Variants in TYW1 observed in about 807,000 individuals in gnomAD.
The protein encoded by TYW1 is S-adenosyl-L-methionine-dependent tRNA 4-demethylwyosine synthase TYW1.
In TYW1, 46 loss-of-function variants were observed where a neutral mutation model predicts 96.2. The ratio of observed to expected loss-of-function variants is 0.48; its 90% CI spans 0.38 to 0.61. The LOEUF (loss-of-function observed/expected upper bound fraction) is 0.61. Among genes scored for constraint, TYW1 ranks in the 20% least tolerant of loss-of-function variants. The pLI is 0.00. For missense variants in TYW1, 684 were observed against 909.6 expected (o/e 0.75, Z 3.19); for synonymous variants, 274 against 323.0 (o/e 0.85, Z 1.63).
At chr7:67,036,075 T>C (rs1405168512) in intron 7 of TYW1, among the ~76,000 whole-genome samples, 1 of 149,242 alleles carries the variant, frequency 6.7e-6, no homozygotes, top group Non-Finnish European at 1.5e-5. Context: ...GCATCAGTCT[T>C]TAATGCTGTC....
intron 10 of TYW1, among the ~76,000 whole-genome samples, chr7:67,070,054 CCA>C (rs539875073): frequency 1.2e-3 from 184 of 152,262 alleles, no homozygotes; most frequent in Non-Finnish European, 2.0e-3. Context: ...ATATGCTCTC[CCA>C]CTGCCTTCTG....
chr7:67,036,611 C>T (rs1459601673), intron 7 of TYW1, among the ~76,000 whole-genome samples: 2 of 152,212 alleles, frequency 1.3e-5, no homozygotes, highest in Admixed American at 1.3e-4. Context: ...GAGAGGTGAC[C>T]GCACTTGCTG....
At chr7:67,148,633 G>A (rs1490465843) in intron 13 of TYW1, among the ~76,000 whole-genome samples, 2 of 151,898 alleles carry the variant, frequency 1.3e-5, no homozygotes, top group African/African-American at 2.4e-5. Context: ...GGGTTTCACT[G>A]TGTTAGCCAG....
rs1450707769 is a variant in TYW1 at position 67,157,396 on chromosome 7, C to T, written c.1699-25730C>T. On this transcript the variant is annotated intron_variant, in intron 13 of 15. Coordinates refer to ENST00000359626, the MANE Select transcript of TYW1 (RefSeq NM_018264.4). ...TGCCTCGTGGGTTCAAGCAATTCTCCTGCCTCAGCCTCCCGAGTAGCTGGG... is the reference window on the plus strand; with the variant it reads ...TGCCTCGTGGGTTCAAGCAATTCTCTTGCCTCAGCCTCCCGAGTAGCTGGG... 2.6e-5 allele frequency among the ~76,000 whole-genome samples: 4 copies of T among 152,288 alleles called. No homozygotes were observed. The East Asian group carries it at 7.7e-4, about 29-fold the overall frequency.
chr7:67,155,559 CTTT>C (rs143551965), intron 13 of TYW1, among the ~76,000 whole-genome samples: 1 of 145,876 alleles, frequency 6.9e-6, no homozygotes, highest in African/African-American at 2.5e-5. Context: ...TTTAGGTATT[CTTT>C]TTTTTTTTTT....
intron 15 of TYW1, among the ~76,000 whole-genome samples, chr7:67,227,994 C>T (rs1302498859): frequency 6.6e-6 from 1 of 152,176 alleles, no homozygotes; most frequent in Non-Finnish European, 1.5e-5. Flanking sequence ...GTCTTGCGGG[C>T]CGCTGAACTT....
At chr7:67,175,854 A>G (rs1424287190) in intron 13 of TYW1, among the ~76,000 whole-genome samples, 3 of 152,220 alleles carry the variant, frequency 2.0e-5, no homozygotes, top group African/African-American at 7.2e-5. Flanking sequence ...GCAGAATAAG[A>G]CAAGCATACC....
chr7:67,009,076 C>T (rs759697390), intron 3 of TYW1, among the ~76,000 whole-genome samples: 6 of 152,136 alleles, frequency 3.9e-5, no homozygotes, highest in Non-Finnish European at 7.3e-5. Context: ...TTGGTGTGAT[C>T]GTAGCTCACT....
intron 13 of TYW1, among the ~76,000 whole-genome samples, chr7:67,154,586 T>G (rs1229669738): frequency 6.6e-6 from 1 of 152,170 alleles, no homozygotes; most frequent in African/African-American, 2.4e-5. Flanking sequence ...CCCTTATATA[T>G]GACTTGACAC....
intron 15 of TYW1, among the ~76,000 whole-genome samples, chr7:67,197,948 T>C (rs1584685050): frequency 1.4e-5 from 2 of 145,450 alleles, no homozygotes; most frequent in African/African-American, 2.6e-5. Flanking sequence ...CTCCCTCCCT[T>C]CCCTACCCCT....
intron 15 of TYW1, among the ~76,000 whole-genome samples, chr7:67,201,423 C>T (rs2116362160): frequency 6.8e-6 from 1 of 147,942 alleles, no homozygotes; most frequent in South Asian, 2.2e-4. Context: ...GGGTCTGAGA[C>T]AAAGGCTGTG....
chr7:67,140,812 A>G (rs1798427058), intron 13 of TYW1, among the ~76,000 whole-genome samples: 1 of 152,234 alleles, frequency 6.6e-6, no homozygotes, highest in African/African-American at 2.4e-5. Context: ...TCATTGTGAC[A>G]TTATTTATAA....
intron 13 of TYW1, among the ~76,000 whole-genome samples, chr7:67,149,451 C>A (rs1291808739): frequency 6.6e-6 from 1 of 152,128 alleles, no homozygotes; most frequent in African/African-American, 2.4e-5. Context: ...AACTCATTTG[C>A]CACTTTCCTA....
chr7:67,183,343 A>G, intron 14 of TYW1, 107 bp downstream of exon 14: 2 of 902,992 alleles, frequency 2.2e-6, no homozygotes, highest in Non-Finnish European at 3.4e-6. Flanking sequence ...GGTCCCAGGA[A>G]TTTTATTGAT....
chr7:67,070,570 T>C (rs1285465680), intron 10 of TYW1, among the ~76,000 whole-genome samples: 10 of 152,320 alleles, frequency 6.6e-5, no homozygotes, highest in Admixed American at 6.5e-5. Flanking sequence ...GTTATTATTC[T>C]TTCACATCTT....
At chr7:67,189,882 G>A (rs991662898) in intron 14 of TYW1, among the ~76,000 whole-genome samples, 6 of 151,774 alleles carry the variant, frequency 4.0e-5, no homozygotes. Flanking sequence ...GCTTAAAGAG[G>A]CCTTTATTTG....
rs1251817030 is a variant in TYW1, at chr7:67,239,465, AAC to A, written c.*938_*939del. 1 of 928,088 alleles carries A rather than the reference AAC, an allele frequency of 1.1e-6. No homozygotes were observed. Among genetic ancestry groups the A allele is most frequent in the African/African-American group, 1.8e-5 (1 of 55,838 alleles). 57.5% of individuals were successfully genotyped at this position (928,088 alleles called of 1,614,324 possible). On this transcript the variant is annotated 3_prime_UTR_variant, in exon 16 of 16. Transcript: ENST00000359626. Reference sequence around the variant, plus strand: ...TGTTTTCAAGTTAGCAAGTTCTTTTAACAGTCTTTTATGCAAAAATTGAATTA... The same window carrying A: ...TGTTTTCAAGTTAGCAAGTTCTTTTAAGTCTTTTATGCAAAAATTGAATTA...
intron 13 of TYW1, among the ~76,000 whole-genome samples, chr7:67,133,578 G>T (rs1386038311): frequency 7.0e-6 from 1 of 142,816 alleles, no homozygotes; most frequent in African/African-American, 2.7e-5. Flanking sequence ...TGCGCCTGTT[G>T]TCCCAGGTAC....
chr7:67,027,865 G>C (rs1481666193), intron 7 of TYW1, among the ~76,000 whole-genome samples: 3 of 150,672 alleles, frequency 2.0e-5, no homozygotes, highest in Non-Finnish European at 4.4e-5. Context: ...GGGAGGCAGA[G>C]CTTGTAGTGA....
Sources: allele counts gnomAD v4.1 joint callset (sites outside exome capture counted in the v4.1 genomes callset), GRCh38; gene constraint gnomAD v4.1.1; transcripts MANE v1.5; gene names NCBI Gene and HGNC (gene_info 2026-07-23, HGNC 2026-07-21).